PRKCI: variants seen among roughly 807,000 people sequenced by gnomAD.
PRKCI encodes protein kinase C iota type.
A neutral mutation model predicts 84.0 loss-of-function variants in PRKCI; 43 were observed. That is an observed-to-expected ratio of 0.51 (90% CI 0.40 to 0.66). The LOEUF is 0.66. PRKCI is among the 30% of genes least tolerant of loss of function. PRKCI has a pLI of 0.00. For synonymous variants in PRKCI, 216 were observed against 234.4 expected, an observed-to-expected ratio of 0.92 and a Z score of 0.72; for missense variants, 459 against 745.6, an observed-to-expected ratio of 0.62 and a Z score of 4.48.
In PRKCI at chr3:170,305,841, G is replaced by A. The variant is rs372130403; in HGVS notation, c.*2714G>A. 1.9e-4 allele frequency: 29 copies of A among 151,856 alleles called. No individual in the cohort carries two copies. The highest frequency in any genetic ancestry group is 6.3e-4 in the African/African-American group (26 of 41,428). 9.4% of individuals were successfully genotyped at this position (151,856 alleles called of 1,614,324 possible). A position where few individuals can be genotyped will look rare whatever the true frequency, so the allele number is the denominator to read the frequency against. On this transcript the variant is annotated 3_prime_UTR_variant, in exon 18 of 18. Coordinates refer to ENST00000295797, the MANE Select transcript of PRKCI (RefSeq NM_002740.6). The stretch of plus-strand genomic sequence containing the variant: ...TGGATGTTAAGTAAATGCTTGTTCA[G>A]TGCCGGTACATTTACTTAAATCTGT...
intron 1 of PRKCI, among the ~76,000 whole-genome samples, chr3:170,228,180 C>T (rs1326798309): frequency 6.6e-6 from 1 of 152,168 alleles, no homozygotes; most frequent in Admixed American, 6.5e-5. Context: ...GTGTTGCAAG[C>T]ACTGTGCTTG....
intron 2 of PRKCI, among the ~76,000 whole-genome samples, chr3:170,252,012 G>A (rs796454814): frequency 6.6e-6 from 1 of 151,942 alleles, no homozygotes; most frequent in Admixed American, 6.6e-5. Context: ...TCAGGAGATC[G>A]ATACCATCCT....
chr3:170,245,949 G>GTTTTTTTTTTT (rs112482352), intron 2 of PRKCI, among the ~76,000 whole-genome samples: 66 of 82,434 alleles, frequency 8.0e-4, no homozygotes, highest in African/African-American at 1.5e-3. Context: ...TTATGTCTTT[G>GTTTTTTTTTTT]TTTTTTTTTT....
intron 13 of PRKCI, 94 bp downstream of exon 13, chr3:170,292,035 C>T (rs765644119): frequency 9.7e-5 from 83 of 854,576 alleles, no homozygotes; most frequent in East Asian, 8.7e-4. Flanking sequence ...TGCATTTTGA[C>T]GTGATCTTAT....
At chr3:170,271,725 G>A (rs759812208) in intron 6 of PRKCI, among the ~76,000 whole-genome samples, 5 of 152,076 alleles carry the variant, frequency 3.3e-5, no homozygotes, top group Non-Finnish European at 5.9e-5. Context: ...GTTGGATGTC[G>A]AGGTTTGATT....
At chr3:170,225,189 C>T (rs1214933401) in intron 1 of PRKCI, among the ~76,000 whole-genome samples, 3 of 152,172 alleles carry the variant, frequency 2.0e-5, no homozygotes, top group Admixed American at 6.6e-5. Flanking sequence ...GTATACTGGT[C>T]TTTGCTCAAT....
rs1302867340 is a variant in PRKCI, at chr3:170,284,554, C to T, written c.1161C>T (p.Asp387=). Residue 387 remains aspartate, a synonymous_variant, in exon 12 of 18, where the codon GAC becomes GAT. Coordinates refer to ENST00000295797, the MANE Select transcript of PRKCI (RefSeq NM_002740.6). Reference sequence around the variant, plus strand: ...TGAAACTGGACAATGTATTACTGGACTCTGAAGGCCACATTAAACTCACTG... The same window carrying T: ...TGAAACTGGACAATGTATTACTGGATTCTGAAGGCCACATTAAACTCACTG... ...RDLKLDNVLL[D]SEGHIKLTDY... is the part of the protein sequence containing the mutation. The T allele has an allele frequency of 1.9e-6, 3 of 1,612,872 alleles. No homozygotes were observed. The highest frequency in any genetic ancestry group is 1.7e-5 in the Admixed American group (1 of 59,762).
chr3:170,227,504 G>GCTTTT (rs1560164323), intron 1 of PRKCI, among the ~76,000 whole-genome samples: 2 of 152,188 alleles, frequency 1.3e-5, no homozygotes, highest in African/African-American at 2.4e-5. Context: ...CTTCCTAGAG[G>GCTTTT]AAATGTCTGA....
intron 1 of PRKCI, among the ~76,000 whole-genome samples, chr3:170,228,779 T>C (rs1290926902): frequency 2.0e-5 from 3 of 152,154 alleles, no homozygotes; most frequent in Non-Finnish European, 2.9e-5. Flanking sequence ...CATGTAGCCA[T>C]GAAGTCTGGT....
chr3:170,267,675 C>CAAAAAAA (rs1169448041), intron 4 of PRKCI, among the ~76,000 whole-genome samples: 1 of 52,976 alleles, frequency 1.9e-5, no homozygotes, highest in African/African-American at 6.4e-5. Context: ...TCCATCTCAC[C>CAAAAAAA]AAAAAAAAAA....
intron 1 of PRKCI, among the ~76,000 whole-genome samples, chr3:170,232,042 A>G (rs1047577282): frequency 2.0e-5 from 3 of 151,978 alleles, no homozygotes; most frequent in Non-Finnish European, 4.4e-5. Flanking sequence ...AAGAACCATG[A>G]TAAGTATTTT....
chr3:170,285,795 A>G (rs910698054), intron 12 of PRKCI, among the ~76,000 whole-genome samples: 1 of 151,002 alleles, frequency 6.6e-6, no homozygotes, highest in South Asian at 2.1e-4. Flanking sequence ...TCCAGGCTGG[A>G]GTGCAATGGC....
chr3:170,241,443 A>G (rs1733128495), intron 2 of PRKCI, among the ~76,000 whole-genome samples: 1 of 152,106 alleles, frequency 6.6e-6, no homozygotes, highest in Non-Finnish European at 1.5e-5. Flanking sequence ...TGCCTGGCTT[A>G]TGCTTATTTC....
At chr3:170,275,532 A>G (rs543025729) in intron 8 of PRKCI, among the ~76,000 whole-genome samples, 5 of 152,256 alleles carry the variant, frequency 3.3e-5, no homozygotes, top group East Asian at 1.9e-4. Context: ...GAAAATTACA[A>G]TGTATTTAAG....
At chr3:170,260,951 CT>C (rs999045513) in intron 3 of PRKCI, among the ~76,000 whole-genome samples, 1 of 151,070 alleles carries the variant, frequency 6.6e-6, no homozygotes, top group Non-Finnish European at 1.5e-5. Flanking sequence ...TCATGTAAAA[CT>C]TTTTTTTTGT....
intron 2 of PRKCI, among the ~76,000 whole-genome samples, chr3:170,251,581 A>G (rs1367049942): frequency 6.6e-6 from 1 of 152,220 alleles, no homozygotes; most frequent in East Asian, 1.9e-4. Context: ...CTTTTCACCT[A>G]TTGGACTGGA....
intron 2 of PRKCI, among the ~76,000 whole-genome samples, chr3:170,238,925 G>T (rs763728768): frequency 3.3e-5 from 5 of 151,588 alleles, no homozygotes; most frequent in Non-Finnish European, 7.4e-5. Flanking sequence ...ACAGAGGCTG[G>T]GTTCTCACTA....
intron 1 of PRKCI, among the ~76,000 whole-genome samples, chr3:170,234,239 C>T (rs1732884521): frequency 6.6e-6 from 1 of 151,814 alleles, no homozygotes; most frequent in Non-Finnish European, 1.5e-5. Context: ...CCATATTGGT[C>T]AGGCTGGTCT....
At position 170,299,096 on chromosome 3, in the gene PRKCI, C is replaced by T. The variant is rs1319719128; in HGVS notation, c.1689C>T (p.Leu563=). 1.3e-6 allele frequency: 2 copies of T among 1,594,776 alleles called. No individual in the cohort carries two copies. The highest frequency in any genetic ancestry group is 1.7e-6 in the Non-Finnish European group (2 of 1,172,804). ...AGTTTACTAATGAACCTGTCCAGCT[C>T]ACTCCAGATGACGAGTAAGTAATTC... is the stretch of plus-strand genomic sequence containing the variant. ...DSQFTNEPVQ[L]TPDDDDIVRK... is the part of the protein sequence containing the mutation. The change falls in exon 17 of 18, where the codon CTC becomes CTT. Residue 563 remains leucine, a synonymous_variant. Transcript: ENST00000295797.
Sources: allele counts gnomAD v4.1 joint callset (sites outside exome capture counted in the v4.1 genomes callset), GRCh38; gene constraint gnomAD v4.1.1; transcripts MANE v1.5; gene names NCBI Gene and HGNC (gene_info 2026-07-23, HGNC 2026-07-21).